The following CCNYL1 variants were observed in gnomAD, a reference collection of about 807,000 sequenced individuals.
CCNYL1 encodes cyclin Y like 1, also known as cyclin-Y-like protein 1.
In CCNYL1, 16 loss-of-function variants were observed where a neutral mutation model predicts 44.2. The observed-to-expected ratio is 0.36, with a 90% CI of 0.25 to 0.55. CCNYL1 has a LOEUF of 0.55. Ranked by LOEUF, CCNYL1 falls within the 20% of genes least tolerant of loss-of-function variation. The pLI, the probability that CCNYL1 is intolerant of heterozygous loss-of-function variation, is 0.85. For synonymous variants in CCNYL1, 159 were observed against 163.2 expected (o/e 0.97, Z 0.20); for missense variants, 348 against 451.8 (o/e 0.77, Z 2.08).
chr2:207,737,977 A>C (rs1052081329), intron 5 of CCNYL1, among the ~76,000 whole-genome samples: 14 of 152,176 alleles, frequency 9.2e-5, no homozygotes, highest in African/African-American at 2.6e-4. Context: ...TTAACAGAAA[A>C]CAGCTGGATT....
intron 6 of CCNYL1, 121 bp from the exon 7 acceptor site, chr2:207,742,102 G>C: frequency 1.1e-6 from 1 of 938,402 alleles, no homozygotes; most frequent in Non-Finnish European, 1.5e-6. Context: ...AGTGAGCCAA[G>C]ATCATGCCAT....
chr2:207,728,153 G>A (rs2091694884), intron 3 of CCNYL1, among the ~76,000 whole-genome samples: 1 of 151,970 alleles, frequency 6.6e-6, no homozygotes, highest in Non-Finnish European at 1.5e-5. Context: ...TAATAGAGAC[G>A]GGGTTTCACC....
In CCNYL1 at chr2:207,742,208, C is replaced by T; in HGVS notation, c.520-15C>T. 6.5e-7 allele frequency: 1 copy of T among 1,547,524 alleles called. No homozygotes were observed. The highest frequency in any genetic ancestry group is 8.8e-7 in the Non-Finnish European group (1 of 1,140,740). On this transcript the variant is annotated splice_polypyrimidine_tract_variant and intron_variant, in intron 6 of 9. Transcript: ENST00000295414. ...TCTTCAGTGGATACTAACATTGCAT[C>T]TTTTCTTCTTTCAGCGAGAAAAAGT...
At chr2:207,735,113 A>G (rs979093531) in intron 4 of CCNYL1, among the ~76,000 whole-genome samples, 5 of 152,192 alleles carry the variant, frequency 3.3e-5, no homozygotes, top group Non-Finnish European at 7.4e-5. Context: ...AGTATAATAG[A>G]TTTCATGCTT....
At chr2:207,735,684 G>A (rs980936432) in intron 4 of CCNYL1, among the ~76,000 whole-genome samples, 27 of 152,212 alleles carry the variant, frequency 1.8e-4, no homozygotes, top group African/African-American at 6.0e-4. Flanking sequence ...TGGGCAACAC[G>A]GTGAAACCCC....
intron 2 of CCNYL1, 85 bp downstream of exon 2, chr2:207,724,959 A>G (rs1328061138): frequency 2.6e-5 from 27 of 1,022,396 alleles, no homozygotes; most frequent in Non-Finnish European, 5.7e-6. Flanking sequence ...GGTATTTAGA[A>G]GAACTGATGT....
chr2:207,734,110 C>A, intron 4 of CCNYL1, 63 bp downstream of exon 4: 1 of 993,134 alleles, frequency 1.0e-6, no homozygotes, highest in Non-Finnish European at 1.6e-6. Context: ...AGCATCCTAG[C>A]CATCCTCGGT....
chr2:207,748,005 G>A (rs2091866150), intron 8 of CCNYL1, among the ~76,000 whole-genome samples: 1 of 152,104 alleles, frequency 6.6e-6, no homozygotes, highest in African/African-American at 2.4e-5. Context: ...TGAAATAATT[G>A]TTTGGCCACT....
chr2:207,753,398 A>C (rs2091908863), intron 9 of CCNYL1, among the ~76,000 whole-genome samples, 190 bp from the exon 10 acceptor site: 1 of 152,240 alleles, frequency 6.6e-6, no homozygotes, highest in South Asian at 2.1e-4. Context: ...TAGCCCTTAA[A>C]GGATATTACC....
At chr2:207,725,315 T>G (rs2091672068) in intron 2 of CCNYL1, among the ~76,000 whole-genome samples, 1 of 152,000 alleles carries the variant, frequency 6.6e-6, no homozygotes, top group Admixed American at 6.6e-5. Context: ...TTAGTAGAGA[T>G]GGGGTTTCAC....
intron 1 of CCNYL1, among the ~76,000 whole-genome samples, chr2:207,720,393 CTT>C (rs1257858381): frequency 2.9e-5 from 4 of 140,084 alleles, no homozygotes; most frequent in African/African-American, 7.9e-5. Flanking sequence ...GTAACCCAGA[CTT>C]TTTTTTTTTT....
At chr2:207,718,078 G>T (rs933476362) in intron 1 of CCNYL1, among the ~76,000 whole-genome samples, 1 of 151,662 alleles carries the variant, frequency 6.6e-6, no homozygotes, top group East Asian at 1.9e-4. Context: ...CTCATTTTTT[G>T]TATTTTTAAT....
At chr2:207,722,176 G>A (rs901383416) in intron 1 of CCNYL1, among the ~76,000 whole-genome samples, 15 of 151,106 alleles carry the variant, frequency 9.9e-5, no homozygotes, top group Admixed American at 9.3e-4. Context: ...GGGTTCAAGC[G>A]ATTCTTCTGC....
intron 1 of CCNYL1, among the ~76,000 whole-genome samples, chr2:207,714,997 T>C (rs1329448261): frequency 6.6e-6 from 1 of 152,198 alleles, no homozygotes; most frequent in East Asian, 1.9e-4. Flanking sequence ...TGGCTGGGCA[T>C]GGTGGCTCAC....
At position 207,750,996 on chromosome 2, in the gene CCNYL1, T is replaced by G; in HGVS notation, c.846T>G (p.Phe282Leu). The G allele has an allele frequency of 6.2e-7, 1 of 1,614,022 alleles. No individual in the cohort carries two copies. Among genetic ancestry groups the G allele is most frequent in the South Asian group, 1.1e-5 (1 of 91,078 alleles). The change falls in exon 9 of 10, where the codon TTT (phenylalanine) becomes TTG (leucine). Residue 282 changes from phenylalanine to leucine, a missense_variant. Around this residue, in one of 3 missense-constraint regions of CCNYL1, gnomAD observed 94 missense variants for 102.4 expected, o/e 0.92. Transcript: ENST00000295414. ...GGCATTTTCTGGAGCTTCTTCAGTT[T>G]AATATTAATGTTCCTGCCAGTGTTT... ...MERHFLELLQ[F>L]NINVPASVYA... is the part of the protein sequence containing the mutation.
intron 1 of CCNYL1, 29 bp from the exon 2 acceptor site, chr2:207,724,771 T>G: frequency 6.6e-7 from 1 of 1,505,530 alleles, no homozygotes; most frequent in Non-Finnish European, 9.2e-7. Flanking sequence ...TCACCTAAAG[T>G]GTCACGTCTT....
At chr2:207,733,198 A>C (rs1266163131) in intron 3 of CCNYL1, among the ~76,000 whole-genome samples, 4 of 152,252 alleles carry the variant, frequency 2.6e-5, no homozygotes, top group Admixed American at 6.5e-5. Flanking sequence ...GAGTCAGGCA[A>C]GTGCCATGAT....
At chr2:207,745,536 C>T (rs1438958941) in intron 7 of CCNYL1, among the ~76,000 whole-genome samples, 2 of 152,236 alleles carry the variant, frequency 1.3e-5, no homozygotes, top group African/African-American at 4.8e-5. Flanking sequence ...CAGAATCTCT[C>T]TTAAGAACAT....
At chr2:207,716,397 T>A (rs921773448) in intron 1 of CCNYL1, among the ~76,000 whole-genome samples, 1 of 150,718 alleles carries the variant, frequency 6.6e-6, no homozygotes, top group Non-Finnish European at 1.5e-5. Context: ...ACATAGAGAA[T>A]ACAGAAAAGT....
Sources: allele counts gnomAD v4.1 joint callset (sites outside exome capture counted in the v4.1 genomes callset), GRCh38; gene constraint gnomAD v4.1.1; regional missense constraint gnomAD v4.1.1; transcripts MANE v1.5; gene names NCBI Gene and HGNC (gene_info 2026-07-23, HGNC 2026-07-21).